The following C11orf65 variants were observed in gnomAD, a reference collection of about 807,000 sequenced individuals.
C11orf65 encodes chromosome 11 open reading frame 65.
Under a neutral mutation model 35.3 loss-of-function variants are expected in C11orf65, and 38 were observed. The ratio of observed to expected loss-of-function variants is 1.08; its 90% confidence interval spans 0.83 to 1.41. The LOEUF is 1.41. Among genes scored for constraint, C11orf65 ranks in the 40% most tolerant of loss-of-function variants. C11orf65 has a pLI of 0.00. For missense variants in C11orf65, 370 were observed against 367.1 expected, an observed-to-expected ratio of 1.01 and a Z score of -0.06; for synonymous variants, 105 against 114.4, an observed-to-expected ratio of 0.92 and a Z score of 0.53.
chr11:108,365,817 G>C (rs530766946), intron 2 of C11orf65: 2 of 366,168 alleles, frequency 5.5e-6, no homozygotes, highest in African/African-American at 2.1e-5. Context: ...TTCGAGACCA[G>C]CCTGGCCAAG....
At chr11:108,464,139 G>A (rs1054152465) in intron 1 of C11orf65, among the ~76,000 whole-genome samples, 2 of 151,970 alleles carry the variant, frequency 1.3e-5, no homozygotes, top group Non-Finnish European at 1.5e-5. Context: ...GTTGGCCAGG[G>A]TGGGCTCGAA....
At chr11:108,416,607 G>A (rs892365358) in intron 3 of C11orf65, among the ~76,000 whole-genome samples, 2 of 152,150 alleles carry the variant, frequency 1.3e-5, no homozygotes, top group African/African-American at 4.8e-5. Context: ...GAACCTGGGA[G>A]GCAGAGGTTG....
intron 3 of C11orf65, among the ~76,000 whole-genome samples, chr11:108,421,940 CT>C (rs944707608): frequency 6.6e-6 from 1 of 151,282 alleles, no homozygotes; most frequent in Non-Finnish European, 1.5e-5. Context: ...GATGGTTATT[CT>C]TTTTTTTTGA....
At chr11:108,432,881 A>C (rs953774403) in intron 2 of C11orf65, among the ~76,000 whole-genome samples, 1 of 152,210 alleles carries the variant, frequency 6.6e-6, no homozygotes, top group African/African-American at 2.4e-5. Flanking sequence ...TCAGTTGTCT[A>C]CTAATACATA....
intron 2 of C11orf65, among the ~76,000 whole-genome samples, chr11:108,341,965 G>T (rs227073): frequency 6.6e-6 from 1 of 151,988 alleles, no homozygotes; most frequent in Non-Finnish European, 1.5e-5. Context: ...TTAAATTCCT[G>T]GGTATATACC....
At chr11:108,458,476 C>G (rs899813259) in intron 2 of C11orf65, among the ~76,000 whole-genome samples, 1 of 152,072 alleles carries the variant, frequency 6.6e-6, no homozygotes, top group Non-Finnish European at 1.5e-5. Context: ...TCAGGCCAGC[C>G]TCTCAGGATC....
At chr11:108,360,201 A>C (rs1458543523) in intron 2 of C11orf65, among the ~76,000 whole-genome samples, 72 of 140,576 alleles carry the variant, frequency 5.1e-4, no homozygotes, top group African/African-American at 6.6e-4. Context: ...TCTAGAAGAA[A>C]TGGATAAATT....
In C11orf65 at chr11:108,325,318, C is replaced by T. The variant is rs1476384636; in HGVS notation, c.641-16247G>A. 3 of 1,537,078 alleles carry T rather than the reference C, an allele frequency of 2.0e-6. No homozygotes were observed. The highest frequency in any genetic ancestry group is 2.7e-6 in the Non-Finnish European group (3 of 1,124,790). On this transcript the variant is annotated intron_variant, in intron 6 of 6. Coordinates refer to the C11orf65 transcript ENST00000525729. Reference sequence around the variant, plus strand: ...TATGTCGTGGCATTCAGATCAGTCACACATAGACAACTCTCTGAAGTATAT... The same window carrying T: ...TATGTCGTGGCATTCAGATCAGTCATACATAGACAACTCTCTGAAGTATAT...
At position 108,437,562 on chromosome 11, in the gene C11orf65, G is replaced by C. The variant is rs775115290; in HGVS notation, c.82-5724C>G. Among the ~76,000 whole-genome samples, 40 of 151,728 alleles carry C rather than the reference G, an allele frequency of 2.6e-4. No homozygotes were observed. In the Middle Eastern group the frequency reaches 0.014, roughly 52 times the overall value. ...CTACTAAGCATACAAAAATTAGCTG[G>C]GCATGGTGGCGCATGTCTGTAGTCC... On this transcript the variant is annotated intron_variant, in intron 2 of 8. Coordinates refer to ENST00000393084, the MANE Select transcript of C11orf65 (RefSeq NM_152587.5).
At chr11:108,321,176 C>G (rs577845640) in intron 6 of C11orf65, 1 of 1,268,236 alleles carries the variant, frequency 7.9e-7, no homozygotes, top group South Asian at 1.3e-5. Context: ...TTCACTGTTG[C>G]TTGTTAGTAT....
intron 2 of C11orf65, among the ~76,000 whole-genome samples, chr11:108,374,412 C>A (rs1045152553): frequency 2.2e-4 from 33 of 152,216 alleles, no homozygotes; most frequent in African/African-American, 8.0e-4. Context: ...CTCCAACAGA[C>A]CTGCAGCTGA....
At chr11:108,350,661 G>C (rs900044041) in intron 2 of C11orf65, among the ~76,000 whole-genome samples, 1 of 152,166 alleles carries the variant, frequency 6.6e-6, no homozygotes, top group Admixed American at 6.5e-5. Context: ...AACCTTACAG[G>C]TTTACAGAGT....
At chr11:108,329,283 CTGAG>C (rs1277314480), downstream of C11orf65, 15 of 1,513,966 alleles carry the variant, frequency 9.9e-6, no homozygotes, top group East Asian at 7.0e-5. Context: ...CACCAGTTAA[CTGAG>C]TGAGTGTTTT....
chr11:108,308,948 C>T (rs1370221162), exon 7 of C11orf65: 6 of 1,424,296 alleles, frequency 4.2e-6, no homozygotes, highest in Non-Finnish European at 5.7e-6. Context: ...GGCAGTTTTA[C>T]CTTTGAGTCA....
chr11:108,366,774 C>A (rs2091354947), intron 2 of C11orf65: 1 of 230,442 alleles, frequency 4.3e-6, no homozygotes, highest in African/African-American at 2.2e-5. Flanking sequence ...TGATTGATGC[C>A]TTTTTCACTG....
At chr11:108,346,052 T>A in intron 2 of C11orf65, 1 of 870,892 alleles carries the variant, frequency 1.1e-6, no homozygotes, top group Non-Finnish European at 1.8e-6. Flanking sequence ...TCTTCATTAT[T>A]AAATCATATG....
At chr11:108,331,792 A>G (rs2136508760) in intron 3 of C11orf65, 1 of 1,480,070 alleles carries the variant, frequency 6.8e-7, no homozygotes, top group Non-Finnish European at 9.3e-7. Flanking sequence ...CTAGACAGTA[A>G]TACACATTTT....
chr11:108,399,279 C>G (rs2092390102), intron 6 of C11orf65, among the ~76,000 whole-genome samples: 2 of 152,162 alleles, frequency 1.3e-5, no homozygotes, highest in African/African-American at 4.8e-5. Flanking sequence ...ATGAGTATAC[C>G]TCTACCCTGA....
At chr11:108,309,061 G>A in exon 7 of C11orf65, 1 of 1,501,008 alleles carries the variant, frequency 6.7e-7, no homozygotes, top group Non-Finnish European at 9.0e-7. Flanking sequence ...ATAAGATCCT[G>A]AAGAATATTC....
Sources: gnomAD v4.1 joint callset for allele counts (sites outside exome capture counted in the v4.1 genomes callset) on GRCh38, gnomAD v4.1.1 for gene constraint, MANE v1.5 for transcripts, NCBI Gene and HGNC (gene_info 2026-07-23, HGNC 2026-07-21) for gene names.